Variants in ZNF384 observed in about 807,000 individuals in gnomAD.
The protein encoded by ZNF384 is CAG repeat protein 1.
In ZNF384, 20 loss-of-function variants were observed where a neutral mutation model predicts 65.0. The ratio of observed to expected loss-of-function variants is 0.31; its 90% confidence interval spans 0.22 to 0.45. ZNF384 has a LOEUF of 0.45. Among genes scored for constraint, ZNF384 ranks in the 20% least tolerant of loss-of-function variants. The pLI is 1.00. For missense variants in ZNF384, 549 were observed against 769.4 expected (o/e 0.71, Z 3.39); for synonymous variants, 310 against 303.9 (o/e 1.02, Z -0.21).
chr12:6,687,216 A>G (rs973791155), intron 2 of ZNF384, among the ~76,000 whole-genome samples: 9 of 152,206 alleles, frequency 5.9e-5, no homozygotes, highest in Non-Finnish European at 1.2e-4. Flanking sequence ...ACTGGGAAAC[A>G]TCATCACACC....
intron 2 of ZNF384, 139 bp downstream of exon 2, chr12:6,688,028 C>G (rs377653808): frequency 3.9e-5 from 6 of 152,492 alleles, no homozygotes; most frequent in African/African-American, 1.4e-4. Context: ...AAACTGATTT[C>G]TCTCCACAAC....
At chr12:6,687,842 G>A (rs966386494) in intron 2 of ZNF384, among the ~76,000 whole-genome samples, 1 of 152,034 alleles carries the variant, frequency 6.6e-6, no homozygotes, top group Non-Finnish European at 1.5e-5. Flanking sequence ...TAGGGTCTTT[G>A]TGTCCCAAAG....
At chr12:6,668,518 C>T (rs1321199687) in intron 11 of ZNF384, among the ~76,000 whole-genome samples, 1 of 151,922 alleles carries the variant, frequency 6.6e-6, no homozygotes, top group East Asian at 1.9e-4. Flanking sequence ...GCCTGGGCAA[C>T]ATGGTGAAAC....
At chr12:6,669,468 C>A (rs995426949) in intron 10 of ZNF384, among the ~76,000 whole-genome samples, 6 of 151,930 alleles carry the variant, frequency 3.9e-5, no homozygotes, top group African/African-American at 1.5e-4. Context: ...AACACTAAGA[C>A]CTTCACAGGG....
intron 10 of ZNF384, among the ~76,000 whole-genome samples, chr12:6,669,941 C>T (rs557696563): frequency 3.1e-4 from 43 of 138,664 alleles, no homozygotes; most frequent in Non-Finnish European, 5.9e-4. Flanking sequence ...CACGCGCGCG[C>T]GCACACACAC....
chr12:6,670,804 G>A lies in ZNF384; in HGVS notation c.1222C>T (p.His408Tyr), dbSNP rs759118837. 1.2e-6 allele frequency: 2 copies of A among 1,614,066 alleles called. No homozygotes were observed. Among genetic ancestry groups the A allele is most frequent in the African/African-American group, 2.7e-5 (2 of 74,932 alleles). ...GTGAAGGCTTTCTCACAGCCTGGGT[G>A]TGCACATTTGTATGGTCTATCACCA... The part of the protein sequence containing the change: ...HTGDRPYKCA[H>Y]PGCEKAFTQL... Residue 408 changes from histidine to tyrosine, a missense_variant, in exon 10 of 12, where the codon CAC becomes TAC. This residue lies in a region of ZNF384 where 38 missense variants were observed against 99.7 expected (regional missense o/e 0.38). Coordinates refer to ENST00000683879, the MANE Select transcript of ZNF384 (RefSeq NM_001385745.1).
chr12:6,667,631 A>G lies in ZNF384; in HGVS notation c.*83T>C. ...TGGAGCCAAGGCCTGTCAAGGAAGAAAAGGACTTTTCCCACCAAGAGTTGG... is the reference window on the plus strand; with the variant it reads ...TGGAGCCAAGGCCTGTCAAGGAAGAGAAGGACTTTTCCCACCAAGAGTTGG... On this transcript the variant is annotated 3_prime_UTR_variant, in exon 12 of 12. Transcript: ENST00000683879. 1 of 1,591,046 alleles carries G rather than the reference A, an allele frequency of 6.3e-7. No homozygotes were observed. The highest frequency in any genetic ancestry group is 8.6e-7 in the Non-Finnish European group (1 of 1,162,760).
chr12:6,669,525 T>C, intron 10 of ZNF384, among the ~76,000 whole-genome samples: 1 of 150,590 alleles, frequency 6.6e-6, no homozygotes, highest in Non-Finnish European at 1.5e-5. Context: ...CCAGATGAAG[T>C]CTCTCACTCT....
intron 7 of ZNF384, among the ~76,000 whole-genome samples, chr12:6,675,924 A>G (rs1041174633): frequency 2.0e-5 from 3 of 152,162 alleles, no homozygotes; most frequent in Non-Finnish European, 4.4e-5. Context: ...CAACTGCCCC[A>G]ATAGCCAGTC....
In ZNF384 at chr12:6,673,343, A is replaced by G; in HGVS notation, c.877T>C (p.Ser293Pro). ...TAGGAGCTGTTGGCGAAGGTCTTGG[A>G]GCAATGTGGGCACTTGTGGGGCTTG... ...ETKPHKCPHC[S>P]KTFANSSYLA... is the part of the protein sequence containing the mutation. The change falls in exon 8 of 12, where the codon TCC (serine) becomes CCC (proline). Residue 293 changes from serine (S) to proline (P), a missense_variant. Ser to Pro is a moderately conservative substitution (Grantham distance 74). Around this residue, in one of 5 missense-constraint regions of ZNF384, gnomAD observed 39 missense variants for 85.8 expected, o/e 0.45. Transcript: ENST00000683879. This position sits in a 1 kb window ranked among gnomAD's most constrained non-coding sequence, Gnocchi z 4.7. 5.0e-6 allele frequency: 8 copies of G among 1,611,658 alleles called. No individual in the cohort carries two copies. The highest frequency in any genetic ancestry group is 6.8e-6 in the Non-Finnish European group (8 of 1,179,556).
chr12:6,673,221 G>A lies in ZNF384; in HGVS notation c.999C>T (p.His333=). 1.2e-6 allele frequency: 2 copies of A among 1,613,958 alleles called. No homozygotes were observed. Among genetic ancestry groups the A allele is most frequent in the Admixed American group, 1.7e-5 (1 of 59,974 alleles). The part of the protein sequence containing the change: ...SFRQLSHLQQ[H]TRIHSKMHTE... ...TAAACCAAGAGCAGCCTTACCGGGT[G>A]TGCTGCTGAAGGTGGGAGAGCTGGC... is the stretch of plus-strand genomic sequence containing the variant. The change falls in exon 8 of 12, where the codon CAC becomes CAT. Residue 333 remains histidine, a synonymous_variant. Transcript: ENST00000683879. This position sits in a 1 kb window ranked among gnomAD's most constrained non-coding sequence, Gnocchi z 4.7.
Position 6,689,183 on chromosome 12 carries a change from G to C in ZNF384, c.-151C>G. On this transcript the variant is annotated 5_prime_UTR_variant, in exon 1 of 12. Coordinates refer to ENST00000683879, the MANE Select transcript of ZNF384 (RefSeq NM_001385745.1). Reference sequence around the variant, plus strand: ...TGCTGGGAAAGGAGGGAGCCGAGGAGGGTGGGAGGACCAGGAAGGGGCGAG... The same window carrying C: ...TGCTGGGAAAGGAGGGAGCCGAGGACGGTGGGAGGACCAGGAAGGGGCGAG... 6.5e-6 allele frequency: 1 copy of C among 153,088 alleles called. No individual in the cohort carries two copies. Among genetic ancestry groups the C allele is most frequent in the East Asian group, 1.9e-4 (1 of 5,186 alleles). The allele number at this position is 153,088 out of a possible 1,614,324, so 9.5% of individuals were successfully genotyped here. A position where few individuals can be genotyped will look rare whatever the true frequency, so the allele number is the denominator to read the frequency against.
intron 7 of ZNF384, 121 bp downstream of exon 7, chr12:6,677,045 TG>T (rs1334664839): frequency 3.0e-6 from 1 of 327,954 alleles, no homozygotes; most frequent in African/African-American, 2.2e-5. Context: ...AACTTTCTTT[TG>T]AAGTTCCCAA....
In ZNF384 at chr12:6,673,323, G is replaced by A. The variant is rs371747523; in HGVS notation, c.897C>T (p.Ser299=). The change falls in exon 8 of 12, where the codon AGC becomes AGT. Residue 299 remains serine, a synonymous_variant. Coordinates refer to ENST00000683879, the MANE Select transcript of ZNF384 (RefSeq NM_001385745.1). The surrounding 1 kb of genome is among the most constrained non-coding windows in gnomAD (Gnocchi z 4.7). ...CPHCSKTFAN[S]SYLAQHIRIH... ...TACGGATGTGCTGGGCCAGGTAGGA[G>A]CTGTTGGCGAAGGTCTTGGAGCAAT... is the stretch of plus-strand genomic sequence containing the variant. 4 of 1,613,924 alleles carry A rather than the reference G, an allele frequency of 2.5e-6. No homozygotes were observed. The African/African-American group carries it at 5.3e-5, about 22-fold the overall frequency.
Position 6,678,578 on chromosome 12 carries a change from G to C in ZNF384, c.352+85C>G. On this transcript the variant is annotated intron_variant, in intron 5 of 11. Transcript: ENST00000683879. The surrounding 1 kb of genome is among the most constrained non-coding windows in gnomAD (Gnocchi z 4.9). ...CTCACCCCCCCGCCGACCCAACCCA[G>C]AGTACACAGGAAATCCCAAACCCTG... 1 of 1,543,734 alleles carries C rather than the reference G, an allele frequency of 6.5e-7. No homozygotes were observed.
At chr12:6,675,255 C>A (rs923699596) in intron 7 of ZNF384, among the ~76,000 whole-genome samples, 1 of 152,158 alleles carries the variant, frequency 6.6e-6, no homozygotes, top group Admixed American at 6.5e-5. Context: ...TGTTGTTATG[C>A]CTGACAGTGC....
At chr12:6,674,360 CAG>C (rs1952694403) in intron 7 of ZNF384, among the ~76,000 whole-genome samples, 1 of 152,220 alleles carries the variant, frequency 6.6e-6, no homozygotes, top group African/African-American at 2.4e-5. Context: ...CACAACTATT[CAG>C]ACTTTACTGA....
At position 6,679,807 on chromosome 12, in the gene ZNF384, G is replaced by A. The variant is rs149066434; in HGVS notation, c.-5-282C>T. On this transcript the variant is annotated intron_variant, in intron 2 of 11. Transcript: ENST00000683879. ...TATTCATGCCCCCTAAAGAAAAACT[G>A]GTATTACTTTCCTTTGCTGGCAAAA... Among the ~76,000 whole-genome samples, 17 of 152,250 alleles carry A rather than the reference G, an allele frequency of 1.1e-4. No homozygotes were observed. The East Asian group carries it at 2.9e-3, about 26-fold the overall frequency.
chr12:6,678,993 T>C lies in ZNF384; in HGVS notation c.257A>G (p.Gln86Arg), dbSNP rs1204937405. The change falls in exon 4 of 12, where the codon CAG (glutamine) becomes CGG (arginine). Residue 86 changes from glutamine (Q) to arginine (R), a missense_variant. By Grantham distance (43) the Gln-to-Arg change is conservative. Transcript: ENST00000683879. This position sits in a 1 kb window ranked among gnomAD's most constrained non-coding sequence, Gnocchi z 4.9. ...CGGCACAGGGACCACCGTGATATTC[T>C]GGGTAACGGACGCTTGGCTGTGTGG... ...LTPHSQASVT[Q>R]NITVVPVPST... The C allele has an allele frequency of 1.8e-5, 29 of 1,613,908 alleles. No individual in the cohort carries two copies. The highest frequency in any genetic ancestry group is 2.5e-5 in the Non-Finnish European group (29 of 1,179,992).
Sources: allele counts gnomAD v4.1 joint callset (sites outside exome capture counted in the v4.1 genomes callset), GRCh38; gene constraint gnomAD v4.1.1; regional missense constraint gnomAD v4.1.1; non-coding constraint Gnocchi (gnomAD v3.1); transcripts MANE v1.5; gene names NCBI Gene and HGNC (gene_info 2026-07-23, HGNC 2026-07-21).